Variants in WARS2 observed in about 807,000 individuals in gnomAD.
WARS2 encodes the protein tryptophanyl tRNA synthetase 2, mitochondrial.
WARS2 carries 28 observed loss-of-function variants against 36.5 expected under a neutral mutation model. The observed-to-expected ratio is 0.77, with a 90% CI of 0.57 to 1.05. The LOEUF (loss-of-function observed/expected upper bound fraction) is 1.05. WARS2 is among the 50% of genes least tolerant of loss of function. The pLI, the probability that WARS2 is intolerant of heterozygous loss-of-function variation, is 0.00. For missense variants in WARS2, 435 were observed against 456.8 expected (o/e 0.95, Z 0.44); for synonymous variants, 174 against 178.4 (o/e 0.98, Z 0.20).
intron 1 of WARS2, among the ~76,000 whole-genome samples, chr1:119,108,446 A>G (rs979075233): frequency 2.6e-5 from 4 of 151,912 alleles, no homozygotes; most frequent in African/African-American, 9.7e-5. Flanking sequence ...GGCCCATTTT[A>G]TTTAGGTTAT....
intron 1 of WARS2, among the ~76,000 whole-genome samples, chr1:119,117,666 G>A (rs1006830502): frequency 5.9e-5 from 9 of 152,272 alleles, no homozygotes; most frequent in Admixed American, 1.3e-4. Context: ...AACTACAACC[G>A]AGGACTTCCA....
intron 1 of WARS2, among the ~76,000 whole-genome samples, chr1:119,137,307 GA>G (rs757400816): frequency 1.3e-5 from 2 of 152,114 alleles, no homozygotes; most frequent in Non-Finnish European, 2.9e-5. Context: ...AATCTTGTGA[GA>G]ATTAAATACA....
chr1:119,139,269 C>T (rs973553409), intron 1 of WARS2, among the ~76,000 whole-genome samples: 1 of 152,168 alleles, frequency 6.6e-6, no homozygotes, highest in African/African-American at 2.4e-5. Context: ...TGCTGACAAG[C>T]AGCTTTCCGG....
chr1:119,061,127 T>C (rs1342733748), intron 2 of WARS2, among the ~76,000 whole-genome samples: 1 of 152,188 alleles, frequency 6.6e-6, no homozygotes, highest in Non-Finnish European at 1.5e-5. Context: ...ATCTCTTCAA[T>C]TTGTCATTTA....
chr1:119,108,654 A>G (rs1193048932), intron 1 of WARS2, among the ~76,000 whole-genome samples: 1 of 151,862 alleles, frequency 6.6e-6, no homozygotes, highest in Non-Finnish European at 1.5e-5. Flanking sequence ...TGAACTTTTC[A>G]AAGAACTAGT....
In WARS2 at chr1:119,076,441, G is replaced by A; in HGVS notation, c.257C>T (p.Ala86Val). Residue 86 changes from alanine to valine, a missense_variant, in exon 2 of 6, where the codon GCT (alanine) becomes GTT (valine). By Grantham distance (64) the Ala-to-Val change is moderately conservative (BLOSUM62 0). Transcript: ENST00000235521. Reference sequence around the variant, plus strand: ...GTCCAGGATGCTCTGCCGAAGGACAGCTGGGTCTTGGGGGACAGTAATGGA... The same window carrying A: ...GTCCAGGATGCTCTGCCGAAGGACAACTGGGTCTTGGGGGACAGTAATGGA... ...LHSITVPQDP[A>V]VLRQSILDMT... 1 of 1,614,194 alleles carries A rather than the reference G, an allele frequency of 6.2e-7. No homozygotes were observed. Among genetic ancestry groups the A allele is most frequent in the Non-Finnish European group, 8.5e-7 (1 of 1,180,014 alleles).
chr1:119,086,746 A>C (rs1299055138), intron 1 of WARS2, among the ~76,000 whole-genome samples: 1 of 152,224 alleles, frequency 6.6e-6, no homozygotes, highest in Non-Finnish European at 1.5e-5. Flanking sequence ...AATATCACAT[A>C]TACTGACTTA....
intron 1 of WARS2, among the ~76,000 whole-genome samples, chr1:119,095,763 G>A (rs12739952): frequency 0.059 from 8,987 of 152,198 alleles, 297 homozygotes; most frequent in South Asian, 0.11. Flanking sequence ...ATACCACATA[G>A]CTTCCTGTAT....
intron 1 of WARS2, among the ~76,000 whole-genome samples, chr1:119,123,529 TATAAG>T (rs1175369069): frequency 6.6e-6 from 1 of 152,166 alleles, no homozygotes; most frequent in Non-Finnish European, 1.5e-5. Flanking sequence ...TCCATGTACA[TATAAG>T]ATATGTGTGT....
In WARS2 at chr1:119,042,259, C is replaced by T. The variant is rs778036621; in HGVS notation, c.515+5G>A. On this transcript the variant is annotated splice_donor_5th_base_variant and intron_variant, in intron 4 of 5. Coordinates refer to ENST00000235521, the MANE Select transcript of WARS2 (RefSeq NM_015836.4). The stretch of plus-strand genomic sequence containing the variant: ...GTATAAGACTGGGCTGAACTCTCTT[C>T]TTACTTGTACAACAGAATGTCGGCT... The T allele has an allele frequency of 2.5e-6, 4 of 1,613,784 alleles. No individual in the cohort carries two copies. Among genetic ancestry groups the T allele is most frequent in the Non-Finnish European group, 3.4e-6 (4 of 1,179,798 alleles).
intron 1 of WARS2, among the ~76,000 whole-genome samples, chr1:119,113,725 A>G (rs953333851): frequency 1.3e-5 from 2 of 152,102 alleles, no homozygotes; most frequent in African/African-American, 4.8e-5. Flanking sequence ...TTACCTTCTC[A>G]TGGAGATTGA....
At chr1:119,077,619 T>G (rs1651847217) in intron 1 of WARS2, among the ~76,000 whole-genome samples, 1 of 152,142 alleles carries the variant, frequency 6.6e-6, no homozygotes, top group South Asian at 2.1e-4. Context: ...AAATCATATT[T>G]GGGTTTTCAA....
At chr1:119,045,526 A>C in intron 3 of WARS2, 56 bp downstream of exon 3, 1 of 1,477,260 alleles carries the variant, frequency 6.8e-7, no homozygotes. Flanking sequence ...CCAGAGCCTA[A>C]CAGGAAGGGA....
intron 2 of WARS2, among the ~76,000 whole-genome samples, chr1:119,065,010 T>C (rs1557954450): frequency 6.6e-6 from 1 of 152,088 alleles, no homozygotes; most frequent in Non-Finnish European, 1.5e-5. Flanking sequence ...ATACAAAAGA[T>C]CTGAAAGCAT....
At chr1:119,072,786 T>C (rs1254419183) in intron 2 of WARS2, among the ~76,000 whole-genome samples, 4 of 152,206 alleles carry the variant, frequency 2.6e-5, no homozygotes, top group Non-Finnish European at 2.9e-5. Context: ...TTCCTGAATT[T>C]ATAGTGGCAT....
intron 1 of WARS2, among the ~76,000 whole-genome samples, chr1:119,093,474 A>ATACTAGATTATAGTGGGCTC (rs11273417): frequency 0.81 from 118,641 of 145,582 alleles, 49,218 homozygotes; most frequent in African/African-American, 0.96. Flanking sequence ...AGATGAAGTC[A>ATACTAGATTATAGTGGGCTC]TAAATACAAT....
chr1:119,053,988 T>C (rs1348552765), intron 2 of WARS2, among the ~76,000 whole-genome samples: 1 of 151,904 alleles, frequency 6.6e-6, no homozygotes, highest in Non-Finnish European at 1.5e-5. Context: ...GCCCAGGTGG[T>C]CAAGGCTGCA....
At chr1:119,062,142 GA>G (rs924748494) in intron 2 of WARS2, among the ~76,000 whole-genome samples, 1 of 151,256 alleles carries the variant, frequency 6.6e-6, no homozygotes, top group Non-Finnish European at 1.5e-5. Context: ...TTGAGCTGGA[GA>G]AAAAATAGTT....
chr1:119,041,021 A>G (rs1258733902), intron 4 of WARS2, among the ~76,000 whole-genome samples: 2 of 152,246 alleles, frequency 1.3e-5, no homozygotes, highest in Admixed American at 1.3e-4. Context: ...AGTTTTCATC[A>G]GAATTGAAGA....
Sources: gnomAD v4.1 joint callset for allele counts (sites outside exome capture counted in the v4.1 genomes callset) on GRCh38, gnomAD v4.1.1 for gene constraint, MANE v1.5 for transcripts, NCBI Gene and HGNC (gene_info 2026-07-23, HGNC 2026-07-21) for gene names.